HPGD: variants seen among roughly 807,000 people sequenced by gnomAD.
HPGD encodes the protein 15-hydroxyprostaglandin dehydrogenase [NAD(+)].
A neutral mutation model predicts 30.0 loss-of-function variants in HPGD; 29 were observed. That is an observed-to-expected ratio of 0.97 (90% confidence interval 0.72 to 1.32). HPGD has a LOEUF of 1.32. HPGD is among the 40% of genes most tolerant of loss of function. HPGD has a pLI of 0.00. For missense variants in HPGD, 340 were observed against 322.1 expected (o/e 1.06, Z -0.43); for synonymous variants, 99 against 112.4 (o/e 0.88, Z 0.75).
chr4:174,490,227 G>A lies in HPGD; in HGVS notation c.*1729C>T, dbSNP rs1250828832. 1 of 152,192 alleles carries A rather than the reference G, an allele frequency of 6.6e-6. No individual in the cohort carries two copies. The highest frequency in any genetic ancestry group is 1.5e-5 in the Non-Finnish European group (1 of 68,022). The allele number at this position is 152,192 out of a possible 1,614,324, so 9.4% of individuals were successfully genotyped here. A position where few individuals can be genotyped will look rare whatever the true frequency, so the allele number is the denominator to read the frequency against. ...ATTTTCTCAATCAGTATACACCAGA[G>A]ATGCCATATAACCATATGAATTTAT... On this transcript the variant is annotated 3_prime_UTR_variant, in exon 7 of 7. Coordinates refer to ENST00000296522, the MANE Select transcript of HPGD (RefSeq NM_000860.6). This position sits in a 1 kb window ranked among gnomAD's most constrained non-coding sequence, Gnocchi z 4.4.
At position 174,508,680 on chromosome 4, in the gene HPGD, TA is replaced by T; in HGVS notation, c.421+15del. The T allele has an allele frequency of 1.4e-6, 2 of 1,406,546 alleles. No homozygotes were observed. The highest frequency in any genetic ancestry group is 2.0e-6 in the Non-Finnish European group (2 of 990,798). The allele number at this position is 1,406,546 out of a possible 1,614,324, so 87.1% of individuals were successfully genotyped here. The stretch of plus-strand genomic sequence containing the variant: ...CAGTAAGAAAATGTTACATTTAATG[TA>T]ATAATTGCCCTTACCTGCTAAAGAT... On this transcript the variant is annotated intron_variant, in intron 4 of 6. Coordinates refer to ENST00000296522, the MANE Select transcript of HPGD (RefSeq NM_000860.6).
Position 174,492,794 on chromosome 4 carries a change from A to G in HPGD, c.662+357T>C, listed in dbSNP as rs1032733154. On this transcript the variant is annotated intron_variant, in intron 6 of 6. Coordinates refer to ENST00000296522, the MANE Select transcript of HPGD (RefSeq NM_000860.6). This position sits in a 1 kb window ranked among gnomAD's most constrained non-coding sequence, Gnocchi z 4.9. Reference sequence around the variant, plus strand: ...TATGTGTGTGTATCAACTATTTCTTATAAAAGTGGTTGAAGTCATGGAAAC... The same window carrying G: ...TATGTGTGTGTATCAACTATTTCTTGTAAAAGTGGTTGAAGTCATGGAAAC... 1.3e-5 allele frequency among the ~76,000 whole-genome samples: 2 copies of G among 152,090 alleles called. No homozygotes were observed. The highest frequency in any genetic ancestry group is 4.8e-5 in the African/African-American group (2 of 41,446).
chr4:174,506,448 T>C (rs532048395), intron 4 of HPGD, among the ~76,000 whole-genome samples: 2 of 152,314 alleles, frequency 1.3e-5, no homozygotes, highest in South Asian at 4.1e-4. Flanking sequence ...TGCATAGATA[T>C]TAGAGATAGA....
At chr4:174,497,910 T>C (rs911879901) in intron 4 of HPGD, among the ~76,000 whole-genome samples, 11 of 148,194 alleles carry the variant, frequency 7.4e-5, no homozygotes, top group Admixed American at 1.4e-4. Flanking sequence ...TCTCTCTCTC[T>C]CTTCCCCCCG....
chr4:174,493,449 C>G, intron 5 of HPGD, 135 bp from the exon 6 acceptor site: 1 of 771,606 alleles, frequency 1.3e-6, no homozygotes, highest in Non-Finnish European at 2.2e-6. Context: ...GTAACAATGA[C>G]TGGTAAATAG....
Position 174,490,259 on chromosome 4 carries a change from C to T in HPGD, c.*1697G>A, listed in dbSNP as rs187248166. On this transcript the variant is annotated 3_prime_UTR_variant, in exon 7 of 7. Transcript: ENST00000296522. The surrounding 1 kb of genome is among the most constrained non-coding windows in gnomAD (Gnocchi z 4.4). ...TATAACCATATGAATTTATTTAGAG[C>T]TACCTATAGAAGGTAAGATTTAAAG... 111 of 152,386 alleles carry T rather than the reference C, an allele frequency of 7.3e-4. No homozygotes were observed. Among genetic ancestry groups the T allele is most frequent in the African/African-American group, 2.6e-3 (106 of 41,560 alleles). 9.4% of individuals were successfully genotyped at this position (152,386 alleles called of 1,614,324 possible). A position where few individuals can be genotyped will look rare whatever the true frequency, so the allele number is the denominator to read the frequency against.
chr4:174,519,766 T>G (rs1306125058), intron 2 of HPGD, among the ~76,000 whole-genome samples: 1 of 152,094 alleles, frequency 6.6e-6, no homozygotes, highest in Admixed American at 6.5e-5. Context: ...GCCCCACCCC[T>G]ATTTCCCTTT....
At position 174,491,918 on chromosome 4, in the gene HPGD, T is replaced by C. The variant is rs1333757195; in HGVS notation, c.*38A>G. ...AAGATAGGATCTGAATATAAGCTATTTGTGCTTATTTTCAGCTATGGCTAA... is the reference window on the plus strand; with the variant it reads ...AAGATAGGATCTGAATATAAGCTATCTGTGCTTATTTTCAGCTATGGCTAA... On this transcript the variant is annotated 3_prime_UTR_variant, in exon 7 of 7. Coordinates refer to ENST00000296522, the MANE Select transcript of HPGD (RefSeq NM_000860.6). The C allele has an allele frequency of 6.4e-7, 1 of 1,556,696 alleles. No individual in the cohort carries two copies. The highest frequency in any genetic ancestry group is 8.9e-7 in the Non-Finnish European group (1 of 1,128,818).
chr4:174,519,056 C>T (rs1304030391), intron 2 of HPGD, among the ~76,000 whole-genome samples: 1 of 152,112 alleles, frequency 6.6e-6, no homozygotes, highest in Non-Finnish European at 1.5e-5. Context: ...TTAACAACCA[C>T]CAGACATATT....
Position 174,522,455 on chromosome 4 carries a change from G to A in HPGD, c.-4C>T, listed in dbSNP as rs1736207020. On this transcript the variant is annotated 5_prime_UTR_variant, in exon 1 of 7. Transcript: ENST00000296522. ...CCACTTTGCCGTTCACGTGCATGGT[G>A]CAGCCACTGCTGGGGCGGGCGGTGG... 2 of 1,568,670 alleles carry A rather than the reference G, an allele frequency of 1.3e-6. No homozygotes were observed. The highest frequency in any genetic ancestry group is 4.7e-5 in the East Asian group (2 of 42,772).
rs533076730 is a variant in HPGD at position 174,495,576 on chromosome 4, C to A, written c.470G>T (p.Gly157Val). Residue 157 changes from glycine (G) to valine (V), a missense_variant, in exon 5 of 7, where the codon GGC becomes GTC. By Grantham distance (109) the Gly-to-Val change is moderately radical. Coordinates refer to ENST00000296522, the MANE Select transcript of HPGD (RefSeq NM_000860.6). ...QQPVYCASKHGIVGFTRSAAL... is the reference protein window; with the variant it reads ...QQPVYCASKHVIVGFTRSAAL... ...TGCTGAGCGTGTGAATCCAACTATGCCATGCTTTGAAGCACAATAAACCGG... is the reference window on the plus strand; with the variant it reads ...TGCTGAGCGTGTGAATCCAACTATGACATGCTTTGAAGCACAATAAACCGG... 3 of 1,613,610 alleles carry A rather than the reference C, an allele frequency of 1.9e-6. No homozygotes were observed. Among genetic ancestry groups the A allele is most frequent in the Admixed American group, 1.7e-5 (1 of 59,994 alleles).
At chr4:174,501,172 G>T (rs1307142221) in intron 4 of HPGD, among the ~76,000 whole-genome samples, 11 of 152,168 alleles carry the variant, frequency 7.2e-5, no homozygotes, top group African/African-American at 2.2e-4. Flanking sequence ...CCTGTTGCAG[G>T]ACGAAGGTGG....
upstream of HPGD, chr4:174,522,612 C>A (rs891134264): frequency 1.1e-5 from 6 of 531,108 alleles, no homozygotes; most frequent in East Asian, 6.7e-5. Flanking sequence ...GGGGAACCCA[C>A]GACTGTGTCA....
At chr4:174,503,091 A>G (rs1325286320) in intron 4 of HPGD, among the ~76,000 whole-genome samples, 1 of 152,152 alleles carries the variant, frequency 6.6e-6, no homozygotes, top group Non-Finnish European at 1.5e-5. Context: ...TCTCTCATCT[A>G]TCCTTCAAAA....
At chr4:174,521,518 A>G (rs973736004) in intron 2 of HPGD, among the ~76,000 whole-genome samples, 20 of 152,340 alleles carry the variant, frequency 1.3e-4, no homozygotes, top group East Asian at 1.2e-3. Context: ...GTATTCTGAT[A>G]TGTTTAAACG....
intron 5 of HPGD, 131 bp from the exon 6 acceptor site, chr4:174,493,445 A>G (rs1420598233): frequency 2.5e-6 from 2 of 797,262 alleles, no homozygotes; most frequent in East Asian, 5.3e-5. Flanking sequence ...CTATGTAACA[A>G]TGACTGGTAA....
chr4:174,500,070 C>G (rs1238055122), intron 4 of HPGD, among the ~76,000 whole-genome samples: 4 of 152,100 alleles, frequency 2.6e-5, no homozygotes, highest in Admixed American at 6.6e-5. Context: ...TGTAATATTT[C>G]CTAGCAGTTT....
chr4:174,514,234 C>T (rs1198529271), intron 3 of HPGD, among the ~76,000 whole-genome samples: 1 of 152,056 alleles, frequency 6.6e-6, no homozygotes, highest in African/African-American at 2.4e-5. Flanking sequence ...CATTTCAATA[C>T]ATTTCTACCC....
At chr4:174,501,550 C>G (rs45549831) in intron 4 of HPGD, among the ~76,000 whole-genome samples, 1,899 of 151,892 alleles carry the variant, frequency 0.013, 48 homozygotes, top group African/African-American at 0.043. Flanking sequence ...TTAAAATATA[C>G]CAAGTATAAT....
Sources: allele counts gnomAD v4.1 joint callset (sites outside exome capture counted in the v4.1 genomes callset), GRCh38; gene constraint gnomAD v4.1.1; non-coding constraint Gnocchi (gnomAD v3.1); transcripts MANE v1.5; gene names NCBI Gene and HGNC (gene_info 2026-07-23, HGNC 2026-07-21).